The following PPP2R2B variants were observed in gnomAD, a reference collection of about 807,000 sequenced individuals.
PPP2R2B encodes the protein serine/threonine-protein phosphatase 2A 55 kDa regulatory subunit B beta isoform.
Under a neutral mutation model 46.0 loss-of-function variants are expected in PPP2R2B, and 5 were observed. The ratio of observed to expected loss-of-function variants is 0.11; its 90% CI spans 0.06 to 0.23. PPP2R2B has a LOEUF of 0.23. Among genes scored for constraint, PPP2R2B ranks in the 10% least tolerant of loss-of-function variants. The pLI, the probability that PPP2R2B is intolerant of heterozygous loss-of-function variation, is 1.00. For missense variants in PPP2R2B, 367 were observed against 575.0 expected, an observed-to-expected ratio of 0.64 and a Z score of 3.70; for synonymous variants, 215 against 206.7, an observed-to-expected ratio of 1.04 and a Z score of -0.34.
intron 2 of PPP2R2B, among the ~76,000 whole-genome samples, chr5:146,739,644 G>A (rs1738244439): frequency 6.6e-6 from 1 of 152,174 alleles, no homozygotes; most frequent in Admixed American, 6.5e-5. Context: ...ATGCATCAAA[G>A]ATTTTAAGGA....
intron 1 of PPP2R2B, among the ~76,000 whole-genome samples, chr5:146,915,518 C>G (rs1418749020): frequency 1.3e-5 from 2 of 151,962 alleles, no homozygotes; most frequent in Admixed American, 1.3e-4. Context: ...ACTGCTATTC[C>G]TTCATAACAA....
At position 146,582,155 on chromosome 5, in the gene PPP2R2B, A is replaced by G. The variant is rs1281942253; in HGVS notation, c.*7792T>C. ...TTAGGCATGTGCTCAGCTCTGAAAG[A>G]TTTCTTTGGGGGTCTTGCCTTTCCC... is the stretch of plus-strand genomic sequence containing the variant. On this transcript the variant is annotated 3_prime_UTR_variant, in exon 10 of 10. Coordinates refer to ENST00000394411, the MANE Select transcript of PPP2R2B (RefSeq NM_181675.4). 1 of 152,110 alleles carries G rather than the reference A, an allele frequency of 6.6e-6. No individual in the cohort carries two copies. Among genetic ancestry groups the G allele is most frequent in the East Asian group, 1.9e-4 (1 of 5,188 alleles). 9.4% of individuals were successfully genotyped at this position (152,110 alleles called of 1,614,324 possible). A position where few individuals can be genotyped will look rare whatever the true frequency, so the allele number is the denominator to read the frequency against.
intron 1 of PPP2R2B, among the ~76,000 whole-genome samples, chr5:146,971,859 T>C (rs1466635995): frequency 6.6e-6 from 1 of 152,242 alleles, no homozygotes; most frequent in Admixed American, 6.5e-5. Flanking sequence ...AAAGATAGTA[T>C]GGAAAATCCC....
intron 2 of PPP2R2B, chr5:146,707,418 G>T: frequency 2.6e-6 from 2 of 775,046 alleles, no homozygotes; most frequent in Non-Finnish European, 2.4e-6. Context: ...TGACTGGGAC[G>T]GCAGTGATGC....
intron 2 of PPP2R2B, among the ~76,000 whole-genome samples, chr5:146,746,766 A>G (rs142058250): frequency 2.1e-3 from 324 of 152,344 alleles, no homozygotes; most frequent in African/African-American, 7.5e-3. Flanking sequence ...CAGCACATCT[A>G]AATGGTGGCT....
chr5:147,019,327 G>T (rs768719285), intron 1 of PPP2R2B, among the ~76,000 whole-genome samples: 1 of 152,136 alleles, frequency 6.6e-6, no homozygotes, highest in East Asian at 1.9e-4. Flanking sequence ...AATTAAAATA[G>T]AAAAGATTCA....
chr5:146,624,392 C>T (rs415059), intron 7 of PPP2R2B, among the ~76,000 whole-genome samples: 6,058 of 152,186 alleles, frequency 0.04, 394 homozygotes, highest in African/African-American at 0.14. Context: ...GTCCTTGGTG[C>T]TTTCCTTTAC....
intron 2 of PPP2R2B, among the ~76,000 whole-genome samples, chr5:146,759,637 T>A (rs764319769): frequency 1.1e-4 from 17 of 152,192 alleles, no homozygotes; most frequent in Non-Finnish European, 1.8e-4. Context: ...CATCCCTTCC[T>A]GTTGCACTCT....
chr5:147,077,112 G>GTATTATATATGTATAATATATAATACA (rs1757794031), intron 2 of PPP2R2B, among the ~76,000 whole-genome samples: 1 of 132,708 alleles, frequency 7.5e-6, no homozygotes, highest in African/African-American at 3.2e-5. Context: ...TATATAATAT[G>GTATTATATATGTATAATATATAATACA]TAATATTGTA....
At chr5:146,743,934 C>G (rs1212236123) in intron 2 of PPP2R2B, among the ~76,000 whole-genome samples, 1 of 152,140 alleles carries the variant, frequency 6.6e-6, no homozygotes, top group Non-Finnish European at 1.5e-5. Context: ...CCCAACTGAC[C>G]TTATTGATTA....
Position 146,790,616 on chromosome 5 carries a change from T to C in PPP2R2B, c.70+87386A>G, listed in dbSNP as rs568748688. Among the ~76,000 whole-genome samples the C allele has an allele frequency of 2.0e-5, 3 of 152,290 alleles. No individual in the cohort carries two copies. In the South Asian group the frequency reaches 6.2e-4, roughly 32 times the overall value. On this transcript the variant is annotated intron_variant, in intron 2 of 9. Coordinates refer to ENST00000394411, the MANE Select transcript of PPP2R2B (RefSeq NM_181675.4). ...GAACAAGTACAGAAAGATACCCCAA[T>C]GTCTGTCTTCACCTCTGAGCACACC... is the stretch of plus-strand genomic sequence containing the variant.
At chr5:146,794,574 C>T (rs529995979) in intron 2 of PPP2R2B, among the ~76,000 whole-genome samples, 1 of 152,150 alleles carries the variant, frequency 6.6e-6, no homozygotes, top group Non-Finnish European at 1.5e-5. Context: ...TAGACAAGTA[C>T]AGAGCTTCTC....
At position 146,923,139 on chromosome 5, in the gene PPP2R2B, C is replaced by T. The variant is rs74918872; in HGVS notation, c.79+132526G>A. 1.6e-3 allele frequency among the ~76,000 whole-genome samples: 241 copies of T among 152,126 alleles called. 3 individuals are homozygous for T. Among genetic ancestry groups the T allele is most frequent in the African/African-American group, 5.1e-3 (212 of 41,520 alleles). ...GTCTAAATTTCTTTTTTTGTTTAGCCGGTTTTGAGCCAGATTTTCTCTGAC... is the reference window on the plus strand; with the variant it reads ...GTCTAAATTTCTTTTTTTGTTTAGCTGGTTTTGAGCCAGATTTTCTCTGAC... On this transcript the variant is annotated intron_variant, in intron 1 of 8. Transcript: ENST00000336640.
chr5:146,707,078 A>G, intron 2 of PPP2R2B: 1 of 1,358,202 alleles, frequency 7.4e-7, no homozygotes, highest in South Asian at 1.2e-5. Flanking sequence ...TCATCCTCAT[A>G]GTTGTTCTTG....
At chr5:146,783,667 C>G (rs1387426505) in intron 2 of PPP2R2B, among the ~76,000 whole-genome samples, 1 of 152,166 alleles carries the variant, frequency 6.6e-6, no homozygotes, top group Non-Finnish European at 1.5e-5. Flanking sequence ...GAGGTGGATG[C>G]TTGTCTTTGC....
At chr5:147,036,062 A>T (rs777548945) in intron 1 of PPP2R2B, among the ~76,000 whole-genome samples, 1 of 152,178 alleles carries the variant, frequency 6.6e-6, no homozygotes, top group Non-Finnish European at 1.5e-5. Context: ...TTTGTTACAT[A>T]GGTAAACGTG....
intron 2 of PPP2R2B, among the ~76,000 whole-genome samples, chr5:146,853,299 C>G (rs954993034): frequency 6.6e-6 from 1 of 152,054 alleles, no homozygotes; most frequent in African/African-American, 2.4e-5. Flanking sequence ...GATTCATGCC[C>G]CAGTTTAAAA....
At chr5:147,075,742 A>G (rs1031581855) in intron 2 of PPP2R2B, among the ~76,000 whole-genome samples, 2 of 151,964 alleles carry the variant, frequency 1.3e-5, no homozygotes, top group East Asian at 3.9e-4. Context: ...CTCCCCTAAA[A>G]TCTAGCCTAT....
chr5:146,939,058 A>G, intron 1 of PPP2R2B, among the ~76,000 whole-genome samples: 1 of 152,072 alleles, frequency 6.6e-6, no homozygotes, highest in South Asian at 2.1e-4. Flanking sequence ...ACACATGTGA[A>G]TATTGGAAAA....
Sources: allele counts gnomAD v4.1 joint callset (sites outside exome capture counted in the v4.1 genomes callset), GRCh38; gene constraint gnomAD v4.1.1; transcripts MANE v1.5; gene names NCBI Gene and HGNC (gene_info 2026-07-23, HGNC 2026-07-21).